MYCBP2: variants seen among roughly 807,000 people sequenced by gnomAD.
MYCBP2 encodes the protein MYC binding protein 2.
MYCBP2 carries 120 observed loss-of-function variants against 525.3 expected under a neutral mutation model. The observed-to-expected ratio is 0.23, with a 90% CI of 0.20 to 0.27. MYCBP2 has a LOEUF of 0.27. MYCBP2 is among the 10% of genes least tolerant of loss of function. MYCBP2 has a pLI of 1.00. For synonymous variants in MYCBP2, 1,894 were observed against 1,955.8 expected (o/e 0.97, Z 0.83); for missense variants, 4,149 against 5,657.1 (o/e 0.73, Z 8.55).
chr13:77,141,641 C>T (rs1389536281), intron 49 of MYCBP2, among the ~76,000 whole-genome samples: 1 of 151,738 alleles, frequency 6.6e-6, no homozygotes, highest in Non-Finnish European at 1.5e-5. Context: ...CCTGGTGGCG[C>T]GCACCTGTAA....
intron 54 of MYCBP2, among the ~76,000 whole-genome samples, chr13:77,123,949 A>C (rs2051200523): frequency 6.6e-6 from 1 of 152,188 alleles, no homozygotes; most frequent in African/African-American, 2.4e-5. Context: ...CATTTAGTAA[A>C]TGTCTGATTT....
chr13:77,118,832 T>C (rs1016924865), intron 55 of MYCBP2, among the ~76,000 whole-genome samples: 2 of 152,204 alleles, frequency 1.3e-5, no homozygotes, highest in Non-Finnish European at 2.9e-5. Context: ...ATATTGAACA[T>C]ATATAAATGA....
chr13:77,312,633 A>G (rs2080401599), intron 1 of MYCBP2, among the ~76,000 whole-genome samples: 1 of 152,022 alleles, frequency 6.6e-6, no homozygotes, highest in African/African-American at 2.4e-5. Flanking sequence ...AAAATGAAAT[A>G]CTCCCAATAA....
At chr13:77,087,811 C>T (rs376000473) in intron 61 of MYCBP2, 178 bp from the exon 62 acceptor site, 13 of 557,958 alleles carry the variant, frequency 2.3e-5, no homozygotes, top group African/African-American at 7.6e-5. Context: ...GACAGTGTCT[C>T]GCTCTGTCAC....
intron 18 of MYCBP2, among the ~76,000 whole-genome samples, chr13:77,227,642 T>C (rs1420086434): frequency 1.3e-5 from 2 of 152,200 alleles, no homozygotes; most frequent in Non-Finnish European, 2.9e-5. Flanking sequence ...GAAAATACAT[T>C]GTGTTCATAT....
At chr13:77,323,391 G>A (rs553573652) in intron 1 of MYCBP2, among the ~76,000 whole-genome samples, 2 of 152,218 alleles carry the variant, frequency 1.3e-5, no homozygotes, top group Non-Finnish European at 2.9e-5. Flanking sequence ...TCATGTTTTT[G>A]TTTCTTGAAC....
intron 56 of MYCBP2, among the ~76,000 whole-genome samples, chr13:77,096,972 C>T (rs984127417): frequency 7.2e-5 from 11 of 152,044 alleles, no homozygotes; most frequent in Non-Finnish European, 8.8e-5. Context: ...ATATCACTTC[C>T]GTAGGAAAAA....
In MYCBP2 at chr13:77,180,212, A is replaced by G. The variant is rs764681046; in HGVS notation, c.5048T>C (p.Leu1683Pro). Residue 1683 changes from leucine to proline, a missense_variant, in exon 34 of 83, where the codon CTC becomes CCC. Physicochemically the swap from Leu to Pro is moderately conservative, Grantham distance 98. Transcript: ENST00000544440. Reference sequence around the variant, plus strand: ...GTTAGAGACGAGGTGGGAGGAGAAGAGTTCATTTTCTCTCCTCAGGCTGTT... The same window carrying G: ...GTTAGAGACGAGGTGGGAGGAGAAGGGTTCATTTTCTCTCCTCAGGCTGTT... Reference protein sequence around the residue: ...VRNSLRRENELFSSHLVSNTC... With the variant: ...VRNSLRRENEPFSSHLVSNTC... 6.2e-7 allele frequency: 1 copy of G among 1,614,148 alleles called. No homozygotes were observed. The highest frequency in any genetic ancestry group is 2.2e-5 in the East Asian group (1 of 44,880).
chr13:77,311,106 A>T (rs1287177800), intron 1 of MYCBP2, among the ~76,000 whole-genome samples: 2 of 152,228 alleles, frequency 1.3e-5, no homozygotes, highest in African/African-American at 4.8e-5. Context: ...CTTTGCCTGA[A>T]GGCCAGGAAG....
rs770641978 is a variant in MYCBP2, at chr13:77,146,153, G to C, written c.7187+9C>G. ...TGTTTTGGTTATACTTTGAGAAAAC[G>C]ATCCTTACCTCTTAGGAGTTGGTGA... is the stretch of plus-strand genomic sequence containing the variant. On this transcript the variant is annotated intron_variant, in intron 48 of 82. Coordinates refer to ENST00000544440, the MANE Select transcript of MYCBP2 (RefSeq NM_015057.5). 6 of 1,571,760 alleles carry C rather than the reference G, an allele frequency of 3.8e-6. No homozygotes were observed. Among genetic ancestry groups the C allele is most frequent in the South Asian group, 2.4e-5 (2 of 81,988 alleles).
chr13:77,183,403 GA>G (rs768255088), intron 32 of MYCBP2, among the ~76,000 whole-genome samples: 1 of 151,982 alleles, frequency 6.6e-6, no homozygotes, highest in Non-Finnish European at 1.5e-5. Flanking sequence ...TTTTTAAATG[GA>G]TATGAGGCAA....
rs2073092228 is a variant in MYCBP2 at position 77,260,589 on chromosome 13, T to C, written c.1856A>G (p.Lys619Arg). 2.5e-6 allele frequency: 4 copies of C among 1,589,648 alleles called. No homozygotes were observed. Among genetic ancestry groups the C allele is most frequent in the Non-Finnish European group, 3.4e-6 (4 of 1,172,786 alleles). ...ATAAGGTTTGGATTGCCGTCTGCTC[T>C]TAGCTTTAAAAAAGAAATTAGATTA... ...ASKGEDGEST[K>R]SRRQSKPYKP... Residue 619 changes from lysine (K) to arginine (R), a missense_variant, in exon 13 of 83, where the codon AAG becomes AGG. Physicochemically the swap from Lys to Arg is conservative, Grantham distance 26. Transcript: ENST00000544440.
In MYCBP2 at chr13:77,326,582, T is replaced by C. The variant is rs1430235189; in HGVS notation, c.194A>G (p.Gln65Arg). The stretch of plus-strand genomic sequence containing the variant: ...CAGGGCCCGGCCTGACAGCAGCAGC[T>C]GGTAGTGACCCCGGGAGTCCGCGGC... ...LPAADSRGHY[Q>R]LLLSGRALAD... The change falls in exon 1 of 83, where the codon CAG becomes CGG. Residue 65 changes from glutamine to arginine, a missense_variant. Transcript: ENST00000544440. This position sits in a 1 kb window ranked among gnomAD's most constrained non-coding sequence, Gnocchi z 4.2. 1.3e-6 allele frequency: 2 copies of C among 1,596,528 alleles called. No individual in the cohort carries two copies. The highest frequency in any genetic ancestry group is 2.4e-5 in the East Asian group (1 of 42,316).
At chr13:77,240,070 G>C (rs1594232873) in intron 17 of MYCBP2, among the ~76,000 whole-genome samples, 1 of 152,266 alleles carries the variant, frequency 6.6e-6, no homozygotes, top group East Asian at 1.9e-4. Context: ...CTCTATGGAA[G>C]TGTAAGTATA....
intron 15 of MYCBP2, 110 bp downstream of exon 15, chr13:77,251,041 A>C (rs2071119868): frequency 2.5e-6 from 2 of 792,930 alleles, no homozygotes; most frequent in Non-Finnish European, 3.9e-6. Context: ...TCAAGTGAAG[A>C]TGCCACTGGT....
intron 14 of MYCBP2, among the ~76,000 whole-genome samples, chr13:77,257,197 A>G (rs1030871643): frequency 3.3e-5 from 5 of 152,172 alleles, no homozygotes; most frequent in African/African-American, 1.2e-4. Flanking sequence ...AATTGAACTC[A>G]TGAAGATAGA....
In MYCBP2 at chr13:77,097,350, C is replaced by T. The variant is rs770021949; in HGVS notation, c.9784+20G>A. 1 of 1,573,770 alleles carries T rather than the reference C, an allele frequency of 6.4e-7. No homozygotes were observed. Among genetic ancestry groups the T allele is most frequent in the East Asian group, 2.2e-5 (1 of 44,614 alleles). Reference sequence around the variant, plus strand: ...TTAAAGAAAAAAGCACTTATACGTACATTCAACAGTATCATTTACCTGGGT... The same window carrying T: ...TTAAAGAAAAAAGCACTTATACGTATATTCAACAGTATCATTTACCTGGGT... On this transcript the variant is annotated intron_variant, in intron 56 of 82. Transcript: ENST00000544440.
chr13:77,287,346 G>A (rs1404668883), intron 3 of MYCBP2, among the ~76,000 whole-genome samples: 2 of 151,176 alleles, frequency 1.3e-5, no homozygotes, highest in Non-Finnish European at 2.9e-5. Context: ...CACAATGCCG[G>A]GCTAATTTTT....
In MYCBP2 at chr13:77,262,120, A is replaced by G. The variant is rs749270730; in HGVS notation, c.1580T>C (p.Phe527Ser). ...ACCAAGAATTGCTGACTCCTCATCA[A>G]ATCCTGTACCTGAAATACGAGACTA... is the stretch of plus-strand genomic sequence containing the variant. ...EKDLHIISTG[F>S]DEESAILGAG... The change falls in exon 11 of 83, where the codon TTT becomes TCT. Residue 527 changes from phenylalanine to serine, a missense_variant. Phe to Ser is a radical substitution (Grantham distance 155). Transcript: ENST00000544440. 6.2e-7 allele frequency: 1 copy of G among 1,608,932 alleles called. No individual in the cohort carries two copies. The highest frequency in any genetic ancestry group is 1.7e-5 in the Admixed American group (1 of 59,824).
Sources: allele counts gnomAD v4.1 joint callset (sites outside exome capture counted in the v4.1 genomes callset), GRCh38; gene constraint gnomAD v4.1.1; non-coding constraint Gnocchi (gnomAD v3.1); transcripts MANE v1.5; gene names NCBI Gene and HGNC (gene_info 2026-07-23, HGNC 2026-07-21).